The following DOCK11 variants were observed in gnomAD, a reference collection of about 807,000 sequenced individuals.
DOCK11 encodes dedicator of cytokinesis protein 11.
Under a neutral mutation model 169.1 loss-of-function variants are expected in DOCK11, and 70 were observed. The observed-to-expected ratio is 0.41, with a 90% CI of 0.34 to 0.51. DOCK11 has a LOEUF of 0.51. Ranked by LOEUF, DOCK11 falls within the 20% of genes least tolerant of loss-of-function variation. The pLI is 0.10. For missense variants in DOCK11, 1,166 were observed against 1,538.8 expected (o/e 0.76, Z 4.05); for synonymous variants, 529 against 541.3 (o/e 0.98, Z 0.32).
At chrX:118,566,456 A>G (rs1293181053) in intron 8 of DOCK11, 118 bp from the exon 9 acceptor site, 1 of 705,349 alleles carries the variant, frequency 1.4e-6, no homozygotes, top group Non-Finnish European at 2.0e-6. Flanking sequence ...CATAATAGAA[A>G]TTCTTTGCAA....
chrX:118,559,820 C>A (rs2012844566), intron 6 of DOCK11, among the ~76,000 whole-genome samples: 1 of 111,310 alleles, frequency 9.0e-6, no homozygotes, highest in Non-Finnish European at 1.9e-5. Flanking sequence ...TTTCTTCCAG[C>A]AAACTTAAAT....
At chrX:118,670,544 A>T (rs949862136) in intron 45 of DOCK11, among the ~76,000 whole-genome samples, 23 of 111,714 alleles carry the variant, frequency 2.1e-4, no homozygotes, top group Non-Finnish European at 3.8e-4. Flanking sequence ...AAAAAAATTT[A>T]AAAAAACATC....
intron 21 of DOCK11, 147 bp downstream of exon 21, chrX:118,597,699 G>A: frequency 1.6e-6 from 1 of 623,280 alleles, no homozygotes; most frequent in Non-Finnish European, 2.3e-6. Flanking sequence ...CATGGAATGT[G>A]CATGTTTAGA....
At chrX:118,671,216 G>T in intron 46 of DOCK11, 71 bp downstream of exon 46, 1 of 963,502 alleles carries the variant, frequency 1.0e-6, no homozygotes, top group Non-Finnish European at 1.4e-6. Context: ...CAGTAATATA[G>T]TTCTGTCACT....
intron 27 of DOCK11, among the ~76,000 whole-genome samples, chrX:118,609,742 G>A (rs1191123043): frequency 8.9e-6 from 1 of 112,092 alleles, no homozygotes; most frequent in Non-Finnish European, 1.9e-5. Context: ...CACGTGGAGT[G>A]TTACAAACAC....
chrX:118,586,746 T>C (rs2013829375), intron 16 of DOCK11, among the ~76,000 whole-genome samples: 2 of 111,718 alleles, frequency 1.8e-5, no homozygotes, highest in South Asian at 7.4e-4. Context: ...CACATATATA[T>C]GTAAAGACCT....
intron 46 of DOCK11, among the ~76,000 whole-genome samples, chrX:118,675,691 C>CT (rs1361009717): frequency 3.0e-3 from 313 of 103,852 alleles, no homozygotes; most frequent in Middle Eastern, 4.8e-3. Flanking sequence ...TGTATCCCCC[C>CT]TTTTTTTTTT....
chrX:118,589,825 A>G (rs2013927667), intron 18 of DOCK11, among the ~76,000 whole-genome samples: 1 of 112,545 alleles, frequency 8.9e-6, no homozygotes, highest in East Asian at 2.8e-4. Flanking sequence ...CGTTCAACAA[A>G]TGTTGCCGAC....
At chrX:118,670,891 G>A in intron 45 of DOCK11, 132 bp from the exon 46 acceptor site, 1 of 449,923 alleles carries the variant, frequency 2.2e-6, no homozygotes, top group Non-Finnish European at 3.5e-6. Flanking sequence ...ACACAAGTAT[G>A]TTCCTTTTGT....
intron 48 of DOCK11, among the ~76,000 whole-genome samples, chrX:118,680,110 A>G (rs2016707397): frequency 9.2e-6 from 1 of 108,484 alleles, no homozygotes; most frequent in Non-Finnish European, 1.9e-5. Flanking sequence ...TGTTTTTAGT[A>G]GAGACAAGGT....
At chrX:118,572,485 A>G (rs754275570) in intron 11 of DOCK11, 22 bp downstream of exon 11, 2 of 1,172,220 alleles carry the variant, frequency 1.7e-6, no homozygotes, top group Non-Finnish European at 1.1e-6. Flanking sequence ...TTTGCCTTCT[A>G]CCCCCCTTGC....
At position 118,548,915 on chromosome X, in the gene DOCK11, ACT is replaced by A. The variant is rs2012381882; in HGVS notation, c.558+2802_558+2803del. ...GTGTTTCTTATCCCTGAGCTTGGAA[ACT>A]CTAGCACTAACAGTGACCAGGCGGG... On this transcript the variant is annotated intron_variant, in intron 6 of 52. Coordinates refer to ENST00000276202, the MANE Select transcript of DOCK11 (RefSeq NM_144658.4). 2.7e-5 allele frequency among the ~76,000 whole-genome samples: 3 copies of A among 111,004 alleles called. No homozygotes were observed. The South Asian group carries it at 1.1e-3, about 42-fold the overall frequency.
chrX:118,631,370 A>G (rs759824196), intron 35 of DOCK11, among the ~76,000 whole-genome samples: 137 of 111,993 alleles, frequency 1.2e-3, no homozygotes, highest in Non-Finnish European at 1.7e-3. Context: ...ATAAATAGCT[A>G]GATATGAGTA....
intron 6 of DOCK11, among the ~76,000 whole-genome samples, chrX:118,560,253 T>G (rs911092234): frequency 9.0e-6 from 1 of 111,613 alleles, no homozygotes; most frequent in Non-Finnish European, 1.9e-5. Context: ...AGAAATAAAT[T>G]GATGTTTCAG....
rs768162985 is a variant in DOCK11, at chrX:118,511,994, A to G, written c.102+15921A>G. On this transcript the variant is annotated intron_variant, in intron 1 of 52. Transcript: ENST00000276202. Reference sequence around the variant, plus strand: ...AGTGGCACGATCTTGGCTCACTGCAACCACCGACTCCGGGGTTCAAGCAAT... The same window carrying G: ...AGTGGCACGATCTTGGCTCACTGCAGCCACCGACTCCGGGGTTCAAGCAAT... 8.9e-5 allele frequency among the ~76,000 whole-genome samples: 10 copies of G among 112,299 alleles called. No individual in the cohort carries two copies. The East Asian group carries it at 2.8e-3, about 31-fold the overall frequency.
At chrX:118,597,671 G>A in intron 21 of DOCK11, 119 bp downstream of exon 21, 1 of 820,033 alleles carries the variant, frequency 1.2e-6, no homozygotes, top group Non-Finnish European at 1.7e-6. Flanking sequence ...GCTGGTGCGG[G>A]TCCACAACAA....
chrX:118,618,877 A>G, intron 31 of DOCK11, 149 bp downstream of exon 31: 1 of 452,121 alleles, frequency 2.2e-6, no homozygotes, highest in South Asian at 5.4e-5. Flanking sequence ...TTTTTTTTTG[A>G]GACAGAGTTT....
At chrX:118,651,514 A>C (rs1399431586) in intron 41 of DOCK11, among the ~76,000 whole-genome samples, 2 of 112,187 alleles carry the variant, frequency 1.8e-5, no homozygotes, top group Admixed American at 9.5e-5. Flanking sequence ...GTCAAAAACA[A>C]AGAAAGTTGC....
chrX:118,541,765 T>G (rs1204767931), intron 1 of DOCK11, among the ~76,000 whole-genome samples: 1 of 112,265 alleles, frequency 8.9e-6, no homozygotes, highest in Non-Finnish European at 1.9e-5. Context: ...TCTTATTATG[T>G]TACATCCTGG....
Sources: gnomAD v4.1 joint callset for allele counts (sites outside exome capture counted in the v4.1 genomes callset) on GRCh38, gnomAD v4.1.1 for gene constraint, MANE v1.5 for transcripts, NCBI Gene and HGNC (gene_info 2026-07-23, HGNC 2026-07-21) for gene names.